CA10: variants seen among roughly 807,000 people sequenced by gnomAD.
CA10 encodes carbonic anhydrase-related protein 10.
In CA10, 14 loss-of-function variants were observed where a neutral mutation model predicts 44.2. That is an observed-to-expected ratio of 0.32 (90% CI 0.21 to 0.50). CA10 has a LOEUF of 0.50. Ranked by LOEUF, CA10 falls within the 20% of genes least tolerant of loss-of-function variation. CA10 has a pLI of 0.99. For synonymous variants in CA10, 159 were observed against 141.6 expected (o/e 1.12, Z -0.87); for missense variants, 350 against 409.7 (o/e 0.85, Z 1.26).
chr17:51,675,037 C>T (rs909715250), intron 4 of CA10, among the ~76,000 whole-genome samples: 6 of 152,186 alleles, frequency 3.9e-5, no homozygotes, highest in East Asian at 1.9e-4. Context: ...GCCTGTTGCC[C>T]CCCGTTGCCT....
chr17:52,145,253 G>A (rs1989559764), intron 1 of CA10, among the ~76,000 whole-genome samples: 1 of 151,982 alleles, frequency 6.6e-6, no homozygotes, highest in Non-Finnish European at 1.5e-5. Flanking sequence ...TCATCTTGTT[G>A]CCTCAACATT....
At chr17:51,956,794 A>G (rs1598138743) in intron 2 of CA10, among the ~76,000 whole-genome samples, 1 of 152,080 alleles carries the variant, frequency 6.6e-6, no homozygotes, top group African/African-American at 2.4e-5. Flanking sequence ...TAGACCTACA[A>G]AAAAGCAGAG....
intron 3 of CA10, among the ~76,000 whole-genome samples, chr17:51,927,083 T>C (rs979391886): frequency 6.6e-6 from 1 of 152,156 alleles, no homozygotes; most frequent in Non-Finnish European, 1.5e-5. Flanking sequence ...CTTCTATACT[T>C]AACATATGAT....
chr17:52,005,376 A>G (rs2144125775), intron 2 of CA10, among the ~76,000 whole-genome samples: 1 of 152,082 alleles, frequency 6.6e-6, no homozygotes. Flanking sequence ...AACAATGAAT[A>G]ATGGATGACT....
intron 2 of CA10, among the ~76,000 whole-genome samples, chr17:52,015,007 CAA>C (rs1985923890): frequency 6.6e-6 from 1 of 151,786 alleles, no homozygotes; most frequent in South Asian, 2.1e-4. Context: ...GAATATATTT[CAA>C]AATATAATTA....
chr17:51,715,221 TG>T (rs956592225), intron 4 of CA10, among the ~76,000 whole-genome samples: 12 of 150,360 alleles, frequency 8.0e-5, no homozygotes, highest in Admixed American at 5.3e-4. Context: ...TGTTGTGGGG[TG>T]GGGGGTGGAG....
At chr17:52,015,024 A>G (rs1169937299) in intron 2 of CA10, among the ~76,000 whole-genome samples, 1 of 152,122 alleles carries the variant, frequency 6.6e-6, no homozygotes, top group Non-Finnish European at 1.5e-5. Context: ...TAATTAAAAA[A>G]GCAGTTTGCA....
At chr17:51,670,462 T>A (rs1914374027) in intron 4 of CA10, among the ~76,000 whole-genome samples, 1 of 151,540 alleles carries the variant, frequency 6.6e-6, no homozygotes, top group Admixed American at 6.6e-5. Flanking sequence ...GTGGGGAGCT[T>A]CCCTGATTGA....
intron 3 of CA10, among the ~76,000 whole-genome samples, chr17:51,918,807 C>T (rs1313580139): frequency 6.6e-6 from 1 of 152,136 alleles, no homozygotes; most frequent in Non-Finnish European, 1.5e-5. Flanking sequence ...TGGATTTTGG[C>T]CCTAGCATAC....
chr17:52,153,680 C>A (rs989026429), intron 1 of CA10, among the ~76,000 whole-genome samples: 12 of 152,098 alleles, frequency 7.9e-5, no homozygotes, highest in African/African-American at 2.9e-4. Flanking sequence ...TATAGATGTG[C>A]TTGCTGATGA....
intron 3 of CA10, among the ~76,000 whole-genome samples, chr17:51,859,223 G>C (rs1045018444): frequency 6.6e-6 from 1 of 152,024 alleles, no homozygotes; most frequent in African/African-American, 2.4e-5. Context: ...ATACAAGAAA[G>C]TGTTGTAATC....
chr17:51,738,133 AG>A (rs1346676832), intron 4 of CA10, among the ~76,000 whole-genome samples: 21 of 152,364 alleles, frequency 1.4e-4, no homozygotes, highest in African/African-American at 5.0e-4. Context: ...AATTGAGTAC[AG>A]TAATTAGTTC....
chr17:51,713,335 A>T (rs1916002024), intron 4 of CA10, among the ~76,000 whole-genome samples: 1 of 152,218 alleles, frequency 6.6e-6, no homozygotes, highest in Non-Finnish European at 1.5e-5. Flanking sequence ...TGACCACAGC[A>T]AGGGCATAGA....
At chr17:52,080,028 A>G (rs2057051257) in intron 1 of CA10, among the ~76,000 whole-genome samples, 1 of 152,216 alleles carries the variant, frequency 6.6e-6, no homozygotes, top group African/African-American at 2.4e-5. Flanking sequence ...ATGACCTAGA[A>G]TCACCTTGCG....
intron 4 of CA10, among the ~76,000 whole-genome samples, chr17:51,676,469 G>C (rs761793832): frequency 2.6e-5 from 4 of 152,108 alleles, no homozygotes; most frequent in Non-Finnish European, 4.4e-5. Context: ...CAGAATCTGG[G>C]GCCCCACCCA....
chr17:51,645,708 C>G (rs1229025029), intron 6 of CA10, among the ~76,000 whole-genome samples: 1 of 152,192 alleles, frequency 6.6e-6, no homozygotes, highest in Non-Finnish European at 1.5e-5. Flanking sequence ...GCTTTCCTTC[C>G]TCCTTAGGGA....
At chr17:51,650,414 G>A (rs1913522412) in intron 5 of CA10, among the ~76,000 whole-genome samples, 1 of 152,132 alleles carries the variant, frequency 6.6e-6, no homozygotes, top group Non-Finnish European at 1.5e-5. Context: ...TAAGCAACAG[G>A]TAATTTTAGC....
At chr17:51,988,049 G>A (rs183258763) in intron 2 of CA10, among the ~76,000 whole-genome samples, 2 of 152,022 alleles carry the variant, frequency 1.3e-5, no homozygotes, top group East Asian at 3.9e-4. Context: ...TTTATGGGTG[G>A]GTGAAATGAA....
intron 4 of CA10, among the ~76,000 whole-genome samples, 162 bp downstream of exon 4, chr17:51,747,471 C>T (rs774214208): frequency 1.3e-5 from 2 of 152,180 alleles, no homozygotes; most frequent in Non-Finnish European, 2.9e-5. Flanking sequence ...TTATTGACTT[C>T]GATGTCAATT....
Sources: gnomAD v4.1 joint callset for allele counts (sites outside exome capture counted in the v4.1 genomes callset) on GRCh38, gnomAD v4.1.1 for gene constraint, MANE v1.5 for transcripts, NCBI Gene and HGNC (gene_info 2026-07-23, HGNC 2026-07-21) for gene names.